HR: variants seen among roughly 807,000 people sequenced by gnomAD.
HR encodes lysine-specific demethylase hairless.
A neutral mutation model predicts 128.6 loss-of-function variants in HR; 83 were observed. The observed-to-expected ratio is 0.65, with a 90% confidence interval of 0.54 to 0.77. The LOEUF (loss-of-function observed/expected upper bound fraction) is 0.77. Among genes scored for constraint, HR ranks in the 30% least tolerant of loss-of-function variants. The pLI, the probability that HR is intolerant of heterozygous loss-of-function variation, is 0.00. For missense variants in HR, 1,490 were observed against 1,574.6 expected (o/e 0.95, Z 0.91); for synonymous variants, 681 against 658.2 (o/e 1.03, Z -0.53).
At position 22,118,931 on chromosome 8, in the gene HR, C is replaced by A. The variant is rs200473481; in HGVS notation, c.3213+19G>T. ...GGGCTGGGCGGGGGGAAGGGGAGGG[C>A]TCCCGGCTGCCTCCTCACCATCTGG... is the stretch of plus-strand genomic sequence containing the variant. On this transcript the variant is annotated intron_variant, in intron 16 of 18. Transcript: ENST00000381418. 5 of 1,602,162 alleles carry A rather than the reference C, an allele frequency of 3.1e-6. No individual in the cohort carries two copies. The Admixed American group carries it at 8.3e-5, about 27-fold the overall frequency.
rs577829172 is a variant in HR, at chr8:22,129,291, C to T, written c.-40-81G>A. 1.8e-5 allele frequency: 23 copies of T among 1,247,846 alleles called. 1 individual carries two copies. In the South Asian group the frequency reaches 3.6e-4, roughly 19 times the overall value. The allele number at this position is 1,247,846 out of a possible 1,614,324, so 77.3% of individuals were successfully genotyped here. Reference sequence around the variant, plus strand: ...CAGCCTGGCACAGAGTGGGCACCGCCCTGGCAACACTGAGGCAGCTCAAAC... The same window carrying T: ...CAGCCTGGCACAGAGTGGGCACCGCTCTGGCAACACTGAGGCAGCTCAAAC... On this transcript the variant is annotated intron_variant, in intron 1 of 18. Transcript: ENST00000381418.
At position 22,127,278 on chromosome 8, in the gene HR, C is replaced by G. The variant is rs143466437; in HGVS notation, c.1164G>C (p.Ser388=). 1 of 1,613,238 alleles carries G rather than the reference C, an allele frequency of 6.2e-7. No homozygotes were observed. Among genetic ancestry groups the G allele is most frequent in the South Asian group, 1.1e-5 (1 of 91,080 alleles). The stretch of plus-strand genomic sequence containing the variant: ...AGCCGCGTGGACATTCAAACTGCTC[C>G]GAGTGCCGTGTGAGCCATGTCTTCT... ...KLKKTWLTRH[S]EQFECPRGCP... Residue 388 remains serine (S), a synonymous_variant, in exon 3 of 19, where the codon TCG becomes TCC. Coordinates refer to ENST00000381418, the MANE Select transcript of HR (RefSeq NM_005144.5).
rs960990086 is a variant in HR at position 22,115,856 on chromosome 8, T to C, written c.3508-94A>G. On this transcript the variant is annotated intron_variant, in intron 18 of 18. Transcript: ENST00000381418. ...ACTTAAAAGGAATACTCTGGCCAGA[T>C]GCGGTGGCTCACACCTGTAATCCCA... 4.8e-6 allele frequency: 6 copies of C among 1,243,552 alleles called. No individual in the cohort carries two copies. The Admixed American group carries it at 5.7e-5, about 12-fold the overall frequency. The allele number at this position is 1,243,552 out of a possible 1,614,324, so 77.0% of individuals were successfully genotyped here.
intron 6 of HR, among the ~76,000 whole-genome samples, 190 bp downstream of exon 6, chr8:22,123,459 G>A (rs1311171277): frequency 6.6e-6 from 1 of 152,228 alleles, no homozygotes; most frequent in Non-Finnish European, 1.5e-5. Context: ...GGTCAAGGAC[G>A]CAGGCATGGT....
rs1826673024 is a variant in HR at position 22,119,271 on chromosome 8, T to C, written c.2990A>G (p.His997Arg). The C allele has an allele frequency of 6.2e-7, 1 of 1,613,586 alleles. No homozygotes were observed. The highest frequency in any genetic ancestry group is 8.5e-7 in the Non-Finnish European group (1 of 1,180,010). The change falls in exon 15 of 19, where the codon CAC becomes CGC. Residue 997 changes from histidine (H) to arginine (R), a missense_variant. Physicochemically the swap from His to Arg is conservative, Grantham distance 29. This residue lies in a region of HR where 423 missense variants were observed against 495.9 expected (regional missense o/e 0.85). Transcript: ENST00000381418. ...QLWAAYGVSP[H>R]RGHLGTKNLC... ...GTTCTTGGTCCCCAGGTGTCCCCGGTGCGGGCTCACACCTGCATGGCAATA... is the reference window on the plus strand; with the variant it reads ...GTTCTTGGTCCCCAGGTGTCCCCGGCGCGGGCTCACACCTGCATGGCAATA...
Position 22,116,315 on chromosome 8 carries a change from G to T in HR, c.3492C>A (p.His1164Gln). Residue 1164 changes from histidine to glutamine, a missense_variant, in exon 18 of 19, where the codon CAC (histidine) becomes CAA (glutamine). This residue lies in a region of HR where 423 missense variants were observed against 495.9 expected (regional missense o/e 0.85). Transcript: ENST00000381418. The surrounding 1 kb of genome is among the most constrained non-coding windows in gnomAD (Gnocchi z 4.2). The part of the protein sequence containing the change: ...HQGPSLPPDC[H>Q]LLYAQMDWAV... ...TCCCACTCACCTGGGCATAAAGCAG[G>T]TGGCAGTCAGGGGGAAGGCTGGGTC... The T allele has an allele frequency of 6.2e-7, 1 of 1,612,416 alleles. No individual in the cohort carries two copies. The highest frequency in any genetic ancestry group is 1.1e-5 in the South Asian group (1 of 90,996).
rs773492082 is a variant in HR at position 22,118,997 on chromosome 8, C to T, written c.3166G>A (p.Val1056Met). The T allele has an allele frequency of 9.3e-6, 15 of 1,612,802 alleles. No homozygotes were observed. The highest frequency in any genetic ancestry group is 1.2e-5 in the Non-Finnish European group (14 of 1,180,014). The change falls in exon 16 of 19, where the codon GTG (valine) becomes ATG (methionine). Residue 1056 changes from valine to methionine, a missense_variant. Coordinates refer to ENST00000381418, the MANE Select transcript of HR (RefSeq NM_005144.5). ...CGCTGGGCGTCCTGTGCCCGGAACA[C>T]GTGCCACACAGTGCTGACCTGGCTG... is the stretch of plus-strand genomic sequence containing the variant. ...PGSQVSTVWH[V>M]FRAQDAQRIR...
intron 14 of HR, 99 bp from the exon 15 acceptor site, chr8:22,119,382 G>C (rs1046830014): frequency 1.3e-6 from 2 of 1,534,302 alleles, no homozygotes; most frequent in African/African-American, 1.4e-5. Flanking sequence ...GCCCAGGCGG[G>C]CAGATCACCT....
rs1826957281 is a variant in HR, at chr8:22,128,404, G to A, written c.612+155C>T. 2.8e-6 allele frequency: 3 copies of A among 1,056,156 alleles called. No homozygotes were observed. The Admixed American group carries it at 6.0e-5, about 21-fold the overall frequency. 65.4% of individuals were successfully genotyped at this position (1,056,156 alleles called of 1,614,324 possible). A position where few individuals can be genotyped will look rare whatever the true frequency, so the allele number is the denominator to read the frequency against. ...AGCTGCTCAGGGTAGGGCTTGCTTG[G>A]GGTTGACTGTGGGGCCTGGGACAGC... On this transcript the variant is annotated intron_variant, in intron 2 of 18. Transcript: ENST00000381418.
intron 6 of HR, 32 bp downstream of exon 6, chr8:22,123,617 T>TGAC: frequency 3.4e-6 from 1 of 292,092 alleles, no homozygotes; most frequent in South Asian, 3.0e-5. Flanking sequence ...GAGGGCTCCA[T>TGAC]CCCGCCCTCC....
At chr8:22,118,590 G>T in intron 16 of HR, 1 of 321,414 alleles carries the variant, frequency 3.1e-6, no homozygotes, top group Non-Finnish European at 5.9e-6. Context: ...GAGCTTCGGT[G>T]TTCTCATCTG....
chr8:22,129,689 G>T (rs947910369), intron 1 of HR, among the ~76,000 whole-genome samples: 6 of 152,204 alleles, frequency 3.9e-5, no homozygotes, highest in Non-Finnish European at 8.8e-5. Context: ...GTGGTTTTGG[G>T]GGTGCTGCTA....
Position 22,120,376 on chromosome 8 carries a change from G to A in HR, c.2742C>T (p.Ser914=), listed in dbSNP as rs1452398659. The change falls in exon 12 of 19, where the codon AGC becomes AGT. Residue 914 remains serine, a synonymous_variant. Coordinates refer to ENST00000381418, the MANE Select transcript of HR (RefSeq NM_005144.5). The stretch of plus-strand genomic sequence containing the variant: ...AGGAGAAGCCCTCCCAGAATGTTGT[G>A]CTGCCCAGGCTGCTGGGCTGGGGAG... The part of the protein sequence containing the change: ...LGPPQPSSLG[S]TTFWEGFSWP... 6.2e-7 allele frequency: 1 copy of A among 1,613,932 alleles called. No homozygotes were observed. Among genetic ancestry groups the A allele is most frequent in the South Asian group, 1.1e-5 (1 of 91,082 alleles).
rs1203798908 is a variant in HR at position 22,120,805 on chromosome 8, G to C, written c.2521C>G (p.Pro841Ala). 1.3e-6 allele frequency: 2 copies of C among 1,545,408 alleles called. No individual in the cohort carries two copies. The highest frequency in any genetic ancestry group is 1.4e-5 in the African/African-American group (1 of 73,000). ...TGCAGCCACAGCAAAGCCCCTGGGG[G>C]AGGCAGCCGGGGCCGCACTGGAGAG... is the stretch of plus-strand genomic sequence containing the variant. ...PLSPVRPRLP[P>A]PGALLWLQEP... The change falls in exon 11 of 19, where the codon CCC (proline) becomes GCC (alanine). Residue 841 changes from proline (P) to alanine (A), a missense_variant. Physicochemically the swap from Pro to Ala is conservative, Grantham distance 27. Coordinates refer to ENST00000381418, the MANE Select transcript of HR (RefSeq NM_005144.5).
Position 22,117,003 on chromosome 8 carries a change from C to A in HR, c.3250G>T (p.Ala1084Ser). ...PAGAGALEPG[A>S]PGSCYLDAGL... Reference sequence around the variant, plus strand: ...GCATCCAGGTAGCAGCTGCCTGGGGCGCCAGGCTCCAGGGCGCCTGCCCCG... The same window carrying A: ...GCATCCAGGTAGCAGCTGCCTGGGGAGCCAGGCTCCAGGGCGCCTGCCCCG... The change falls in exon 17 of 19, where the codon GCC (alanine) becomes TCC (serine). Residue 1084 changes from alanine (A) to serine (S), a missense_variant. Physicochemically the swap from Ala to Ser is moderately conservative, Grantham distance 99. Coordinates refer to ENST00000381418, the MANE Select transcript of HR (RefSeq NM_005144.5). The A allele has an allele frequency of 6.6e-7, 1 of 1,524,586 alleles. No homozygotes were observed. Among genetic ancestry groups the A allele is most frequent in the Admixed American group, 2.0e-5 (1 of 49,220 alleles). The allele number at this position is 1,524,586 out of a possible 1,614,324, so 94.4% of individuals were successfully genotyped here.
rs1437965428 is a variant in HR at position 22,128,742 on chromosome 8, G to T, written c.429C>A (p.Cys143Ter). The change falls in exon 2 of 19, where the codon TGC becomes TGA. Residue 143 changes from cysteine to a stop codon, truncating the protein, a stop_gained. Coordinates refer to ENST00000381418, the MANE Select transcript of HR (RefSeq NM_005144.5). LOFTEE classifies it high-confidence loss of function. ...SDPVAFRPWH[C>*]PFLLETKILE... Reference sequence around the variant, plus strand: ...GGATCTTGGTCTCCAGAAGGAAAGGGCAGTGCCAGGGCCGGAAGGCCACAG... The same window carrying T: ...GGATCTTGGTCTCCAGAAGGAAAGGTCAGTGCCAGGGCCGGAAGGCCACAG... The T allele has an allele frequency of 1.3e-6, 2 of 1,595,110 alleles. No individual in the cohort carries two copies. Among genetic ancestry groups the T allele is most frequent in the Non-Finnish European group, 8.5e-7 (1 of 1,171,190 alleles).
chr8:22,116,871 G>T lies in HR; in HGVS notation c.3378+4C>A. 1 of 1,570,198 alleles carries T rather than the reference G, an allele frequency of 6.4e-7. No homozygotes were observed. The highest frequency in any genetic ancestry group is 8.6e-7 in the Non-Finnish European group (1 of 1,162,432). Reference sequence around the variant, plus strand: ...CCGCAGAGCCCCTGCCCGCTGGGAAGCACCTGGTGGGGAGCCCCTGCAGGC... The same window carrying T: ...CCGCAGAGCCCCTGCCCGCTGGGAATCACCTGGTGGGGAGCCCCTGCAGGC... On this transcript the variant is annotated splice_donor_region_variant and intron_variant, in intron 17 of 18. Transcript: ENST00000381418. The surrounding 1 kb of genome is among the most constrained non-coding windows in gnomAD (Gnocchi z 4.2).
At position 22,116,818 on chromosome 8, in the gene HR, T is replaced by C; in HGVS notation, c.3378+57A>G. 1.3e-6 allele frequency: 2 copies of C among 1,539,048 alleles called. No homozygotes were observed. Among genetic ancestry groups the C allele is most frequent in the Non-Finnish European group, 1.7e-6 (2 of 1,144,898 alleles). Reference sequence around the variant, plus strand: ...GGATGTTGGATGCCTGCGGCCTTGATTGGGTCGCTTCTGCCATCCTGATCT... The same window carrying C: ...GGATGTTGGATGCCTGCGGCCTTGACTGGGTCGCTTCTGCCATCCTGATCT... On this transcript the variant is annotated intron_variant, in intron 17 of 18. Transcript: ENST00000381418. The surrounding 1 kb of genome is among the most constrained non-coding windows in gnomAD (Gnocchi z 4.2).
At chr8:22,119,092 G>A (rs749411241) in intron 15 of HR, 27 bp from the exon 16 acceptor site, 3 of 1,613,474 alleles carry the variant, frequency 1.9e-6, no homozygotes, top group Non-Finnish European at 2.5e-6. Flanking sequence ...GCTCAGGCAG[G>A]CCCAGGGCTG....
Sources: allele counts gnomAD v4.1 joint callset (sites outside exome capture counted in the v4.1 genomes callset), GRCh38; gene constraint gnomAD v4.1.1; regional missense constraint gnomAD v4.1.1; non-coding constraint Gnocchi (gnomAD v3.1); transcripts MANE v1.5; gene names NCBI Gene and HGNC (gene_info 2026-07-23, HGNC 2026-07-21).